The following NXN variants were observed in gnomAD, a reference collection of about 807,000 sequenced individuals.
The protein encoded by NXN is nucleoredoxin, also known as nucleoredoxin 1.
In NXN, 16 loss-of-function variants were observed where a neutral mutation model predicts 48.6. The ratio of observed to expected loss-of-function variants is 0.33; its 90% CI spans 0.22 to 0.50. The LOEUF (loss-of-function observed/expected upper bound fraction) is 0.50, where lower values mean the gene tolerates loss of function less well. NXN is among the 20% of genes least tolerant of loss of function. NXN has a pLI of 0.98. For synonymous variants in NXN, 281 were observed against 269.6 expected (o/e 1.04, Z -0.41); for missense variants, 492 against 605.5 (o/e 0.81, Z 1.97).
chr17:826,027 G>A lies in NXN; in HGVS notation c.412C>T (p.Leu138Phe). 1 of 1,614,062 alleles carries A rather than the reference G, an allele frequency of 6.2e-7. No homozygotes were observed. The highest frequency in any genetic ancestry group is 1.7e-5 in the Admixed American group (1 of 60,004). ...ACAACCTTCCCAGTGGTGGCGTCGA[G>A]GAATATTAGTGATGGAATGTTGGAA... is the stretch of plus-strand genomic sequence containing the variant. ...RISNIPSLIF[L>F]DATTGKVVCR... Residue 138 changes from leucine to phenylalanine, a missense_variant, in exon 2 of 8, where the codon CTC (leucine) becomes TTC (phenylalanine). Around this residue, in one of 3 missense-constraint regions of NXN, gnomAD observed 186 missense variants for 199.1 expected, o/e 0.93. Coordinates refer to ENST00000336868, the MANE Select transcript of NXN (RefSeq NM_022463.5).
At chr17:876,281 G>C (rs146409091) in intron 1 of NXN, among the ~76,000 whole-genome samples, 1 of 142,520 alleles carries the variant, frequency 7.0e-6, no homozygotes, top group East Asian at 2.0e-4. Flanking sequence ...GGAAATGCAG[G>C]TGCCCAGAAA....
At chr17:805,290 C>T in intron 5 of NXN, 43 bp from the exon 6 acceptor site, 1 of 1,562,072 alleles carries the variant, frequency 6.4e-7, no homozygotes, top group East Asian at 2.3e-5. Context: ...CCGGGAGATG[C>T]TGGCCCTGCC....
At chr17:883,671 T>G (rs774181006) in intron 1 of NXN, among the ~76,000 whole-genome samples, 26 of 152,226 alleles carry the variant, frequency 1.7e-4, no homozygotes, top group Non-Finnish European at 3.1e-4. Context: ...GGCAAGGACT[T>G]CAGTGGTCAC....
intron 1 of NXN, among the ~76,000 whole-genome samples, chr17:962,636 T>TA (rs1001144071): frequency 4.6e-5 from 7 of 152,234 alleles, no homozygotes; most frequent in African/African-American, 1.7e-4. Context: ...GGTGGGTTTT[T>TA]AAAAATACAG....
At chr17:814,957 G>A (rs1912386497) in intron 5 of NXN, among the ~76,000 whole-genome samples, 2 of 152,106 alleles carry the variant, frequency 1.3e-5, no homozygotes, top group South Asian at 4.1e-4. Flanking sequence ...GTAGAGATGG[G>A]GTTTCGCCAT....
chr17:959,904 C>A (rs1173267117), intron 1 of NXN, among the ~76,000 whole-genome samples: 1 of 151,880 alleles, frequency 6.6e-6, no homozygotes, highest in Non-Finnish European at 1.5e-5. Flanking sequence ...ACCAGCCGGG[C>A]CAACACAATG....
At chr17:935,912 G>GTGAA (rs893778207) in intron 1 of NXN, among the ~76,000 whole-genome samples, 2 of 151,956 alleles carry the variant, frequency 1.3e-5, no homozygotes, top group Non-Finnish European at 2.9e-5. Context: ...GACCAACATG[G>GTGAA]TGAAACCCAG....
At chr17:842,855 C>A (rs978694878) in intron 1 of NXN, among the ~76,000 whole-genome samples, 1 of 152,090 alleles carries the variant, frequency 6.6e-6, no homozygotes, top group African/African-American at 2.4e-5. Flanking sequence ...AGGAGAATTG[C>A]TTGAACCTGG....
intron 1 of NXN, among the ~76,000 whole-genome samples, chr17:872,549 G>A (rs2068167950): frequency 6.6e-6 from 1 of 151,716 alleles, no homozygotes; most frequent in Non-Finnish European, 1.5e-5. Context: ...TGAGCTAGAG[G>A]GTACCCTGAT....
intron 1 of NXN, among the ~76,000 whole-genome samples, chr17:913,998 C>T (rs1448687913): frequency 6.6e-6 from 1 of 152,162 alleles, no homozygotes; most frequent in Non-Finnish European, 1.5e-5. Context: ...CTCCTGAGTT[C>T]AAGTGATTCT....
At chr17:955,550 G>A (rs1231134478) in intron 1 of NXN, among the ~76,000 whole-genome samples, 1 of 151,124 alleles carries the variant, frequency 6.6e-6, no homozygotes, top group Non-Finnish European at 1.5e-5. Context: ...CAGGAAAACT[G>A]CCAAGAAATA....
intron 1 of NXN, chr17:897,121 A>C: frequency 1.1e-6 from 1 of 938,002 alleles, no homozygotes; most frequent in Non-Finnish European, 1.3e-6. Context: ...ATTATTTCCC[A>C]TGGGAGAAAG....
chr17:908,108 CATA>C (rs1451513791), intron 1 of NXN: 1 of 152,184 alleles, frequency 6.6e-6, no homozygotes, highest in African/African-American at 2.4e-5. Flanking sequence ...AGAACATAAT[CATA>C]ATAAGTTTTC....
intron 1 of NXN, among the ~76,000 whole-genome samples, chr17:831,789 T>C (rs1913486340): frequency 1.3e-5 from 2 of 151,498 alleles, no homozygotes; most frequent in Non-Finnish European, 2.9e-5. Context: ...CATGACCCAC[T>C]GCGCCTGGCC....
chr17:873,493 C>CAAAAAAAAAAAAAAAAAAAAAAAA (rs71145783), intron 1 of NXN, among the ~76,000 whole-genome samples: 1 of 74,980 alleles, frequency 1.3e-5, no homozygotes, highest in African/African-American at 4.9e-5. Context: ...ACACTGTCTC[C>CAAAAAAAAAAAAAAAAAAAAAAAA]AAAAAAAAAA....
chr17:864,273 T>C (rs1404788028), intron 1 of NXN, among the ~76,000 whole-genome samples: 1 of 152,254 alleles, frequency 6.6e-6, no homozygotes, highest in Non-Finnish European at 1.5e-5. Flanking sequence ...GATAAAAAGT[T>C]CGGAGTAGGG....
At chr17:864,240 T>G in intron 1 of NXN, 1 of 1,184,918 alleles carries the variant, frequency 8.4e-7, no homozygotes, top group East Asian at 2.8e-5. Context: ...CTTCAACTTT[T>G]CTGTAGGTCT....
chr17:868,353 G>GT (rs1185053184), intron 1 of NXN, among the ~76,000 whole-genome samples: 2 of 152,262 alleles, frequency 1.3e-5, no homozygotes, highest in African/African-American at 4.8e-5. Context: ...CTCCCTGACC[G>GT]TATCTCCCTC....
rs768510590 is a variant in NXN, at chr17:816,227, C to T, written c.820+3212G>A. Reference sequence around the variant, plus strand: ...AGGCAGTCACGTCGCTTTTAATTAACACAGAGTCGTTCTGGGGACGAAGAC... The same window carrying T: ...AGGCAGTCACGTCGCTTTTAATTAATACAGAGTCGTTCTGGGGACGAAGAC... On this transcript the variant is annotated intron_variant, in intron 5 of 7. Transcript: ENST00000336868. 5.4e-4 allele frequency among the ~76,000 whole-genome samples: 82 copies of T among 152,164 alleles called. 1 individual carries two copies. The highest frequency in any genetic ancestry group is 1.8e-4 in the Non-Finnish European group (12 of 68,034).
Sources: allele counts gnomAD v4.1 joint callset (sites outside exome capture counted in the v4.1 genomes callset), GRCh38; gene constraint gnomAD v4.1.1; regional missense constraint gnomAD v4.1.1; transcripts MANE v1.5; gene names NCBI Gene and HGNC (gene_info 2026-07-23, HGNC 2026-07-21).